PHACTR1: variants seen among roughly 807,000 people sequenced by gnomAD.
PHACTR1 encodes the protein RPEL repeat containing 1.
PHACTR1 carries 16 observed loss-of-function variants against 69.2 expected under a neutral mutation model. The observed-to-expected ratio is 0.23, with a 90% CI of 0.16 to 0.35. The LOEUF is 0.35. Among genes scored for constraint, PHACTR1 ranks in the 10% least tolerant of loss-of-function variants. PHACTR1 has a pLI of 1.00. For missense variants in PHACTR1, 510 were observed against 734.7 expected (o/e 0.69, Z 3.54); for synonymous variants, 312 against 284.5 (o/e 1.10, Z -0.97).
At chr6:12,730,986 T>TTTTG (rs1554129536) in intron 3 of PHACTR1, among the ~76,000 whole-genome samples, 1 of 137,948 alleles carries the variant, frequency 7.2e-6, no homozygotes, top group African/African-American at 2.7e-5. Flanking sequence ...ATATTACCTT[T>TTTTG]TTTATTTATT....
At chr6:13,223,242 T>A (rs16873812) in intron 8 of PHACTR1, among the ~76,000 whole-genome samples, 1,971 of 152,298 alleles carry the variant, frequency 0.013, 90 homozygotes, top group Admixed American at 0.085. Context: ...GGTGGGAGTA[T>A]AATCAAGGTT....
chr6:12,975,704 C>T (rs1229012367), intron 4 of PHACTR1, among the ~76,000 whole-genome samples: 1 of 152,214 alleles, frequency 6.6e-6, no homozygotes, highest in East Asian at 1.9e-4. Flanking sequence ...ACCCCAGCCT[C>T]CTGAGTAGCT....
At chr6:13,097,018 C>G (rs1814378962) in intron 5 of PHACTR1, among the ~76,000 whole-genome samples, 1 of 152,198 alleles carries the variant, frequency 6.6e-6, no homozygotes, top group African/African-American at 2.4e-5. Context: ...GAAGAGGACT[C>G]AAGCTCTCTG....
At position 12,718,853 on chromosome 6, in the gene PHACTR1, A is replaced by G. The variant is rs1475878268; in HGVS notation, c.103+6A>G. 1 of 1,506,598 alleles carries G rather than the reference A, an allele frequency of 6.6e-7. No homozygotes were observed. The highest frequency in any genetic ancestry group is 9.0e-7 in the Non-Finnish European group (1 of 1,112,626). 93.3% of individuals were successfully genotyped at this position (1,506,598 alleles called of 1,614,324 possible). On this transcript the variant is annotated splice_donor_region_variant and intron_variant, in intron 3 of 14. Transcript: ENST00000332995. The stretch of plus-strand genomic sequence containing the variant: ...CTACAGTCAAGGAGCTCAAGGTAAT[A>G]AAATAAGAAAAAGAAATTCCTCTTA...
intron 5 of PHACTR1, among the ~76,000 whole-genome samples, chr6:13,056,147 C>A (rs1806747872): frequency 6.6e-6 from 1 of 152,208 alleles, no homozygotes; most frequent in Admixed American, 6.5e-5. Context: ...GTAGCTCACT[C>A]TTGCAATCGC....
intron 4 of PHACTR1, among the ~76,000 whole-genome samples, chr6:12,989,151 C>T (rs1796527064): frequency 6.6e-6 from 1 of 152,168 alleles, no homozygotes; most frequent in Non-Finnish European, 1.5e-5. Context: ...AATACTAATA[C>T]AAAAGGTGAC....
At chr6:12,785,513 G>T (rs773669389) in intron 4 of PHACTR1, among the ~76,000 whole-genome samples, 1 of 152,194 alleles carries the variant, frequency 6.6e-6, no homozygotes, top group Non-Finnish European at 1.5e-5. Context: ...CCACAAACCT[G>T]CCAGGCCAGT....
At chr6:12,910,677 C>A (rs1350745121) in intron 4 of PHACTR1, among the ~76,000 whole-genome samples, 1 of 152,136 alleles carries the variant, frequency 6.6e-6, no homozygotes, top group African/African-American at 2.4e-5. Context: ...TCAGTAATAG[C>A]CGCCGTCTAC....
chr6:12,945,103 C>A (rs1790531809), intron 4 of PHACTR1, among the ~76,000 whole-genome samples: 1 of 152,056 alleles, frequency 6.6e-6, no homozygotes, highest in South Asian at 2.1e-4. Context: ...ACATGCCATG[C>A]TCTCTCTGGT....
At chr6:12,753,969 TA>T (rs60221838) in intron 4 of PHACTR1, among the ~76,000 whole-genome samples, 525 of 68,042 alleles carry the variant, frequency 7.7e-3, no homozygotes, top group Middle Eastern at 0.033. Context: ...TATATATATA[TA>T]TTTTTTTTTT....
At chr6:13,133,291 C>T (rs1028914852) in intron 5 of PHACTR1, among the ~76,000 whole-genome samples, 2 of 141,862 alleles carry the variant, frequency 1.4e-5, no homozygotes, top group South Asian at 4.9e-4. Context: ...TTCCTCTCCC[C>T]ACAGTCTCCC....
chr6:13,017,293 C>T (rs1231699275), intron 4 of PHACTR1, among the ~76,000 whole-genome samples: 1 of 151,326 alleles, frequency 6.6e-6, no homozygotes, highest in Non-Finnish European at 1.5e-5. Flanking sequence ...GCCACCTACA[C>T]TGAATGTGGA....
chr6:12,926,935 G>T (rs1438149614), intron 4 of PHACTR1, among the ~76,000 whole-genome samples: 1 of 152,190 alleles, frequency 6.6e-6, no homozygotes, highest in African/African-American at 2.4e-5. Flanking sequence ...CTGTGCCTTT[G>T]TTTAGCTCTC....
At chr6:13,134,194 C>T (rs1481174908) in intron 5 of PHACTR1, among the ~76,000 whole-genome samples, 2 of 151,150 alleles carry the variant, frequency 1.3e-5, no homozygotes, top group East Asian at 4.0e-4. Flanking sequence ...CCACCCCGTC[C>T]CGGAGGGAGG....
chr6:13,287,183 A>C lies in PHACTR1; in HGVS notation c.*105A>C, dbSNP rs1422110231. The C allele has an allele frequency of 8.8e-7, 1 of 1,139,252 alleles. No homozygotes were observed. Among genetic ancestry groups the C allele is most frequent in the African/African-American group, 1.6e-5 (1 of 61,996 alleles). 70.6% of individuals were successfully genotyped at this position (1,139,252 alleles called of 1,614,324 possible). On this transcript the variant is annotated 3_prime_UTR_variant, in exon 15 of 15. Transcript: ENST00000332995. ...TCCCCATTACGATGTAAATCTTCTG[A>C]ACTGCCTTTTTTTTAAAAAGAAGAA... is the stretch of plus-strand genomic sequence containing the variant.
chr6:12,978,496 G>A (rs149433094), intron 4 of PHACTR1, among the ~76,000 whole-genome samples: 120 of 152,198 alleles, frequency 7.9e-4, no homozygotes, highest in Non-Finnish European at 1.4e-3. Context: ...TCTGGCTGCC[G>A]TATCTCTCTT....
intron 3 of PHACTR1, among the ~76,000 whole-genome samples, chr6:12,725,879 T>TA (rs1432541424): frequency 6.6e-6 from 1 of 152,150 alleles, no homozygotes; most frequent in African/African-American, 2.4e-5. Flanking sequence ...AAAGAATTTT[T>TA]AAAAAAATTT....
chr6:13,154,982 G>A (rs561469010), intron 5 of PHACTR1, among the ~76,000 whole-genome samples: 2 of 151,870 alleles, frequency 1.3e-5, no homozygotes, highest in Admixed American at 6.6e-5. Flanking sequence ...TGTTTTACGG[G>A]TCAGTCATAA....
chr6:13,048,646 T>G (rs1326787222), intron 4 of PHACTR1, among the ~76,000 whole-genome samples: 1 of 152,020 alleles, frequency 6.6e-6, no homozygotes, highest in Non-Finnish European at 1.5e-5. Flanking sequence ...GCAGTTCTCC[T>G]GCCTCAGCCT....
Sources: allele counts gnomAD v4.1 joint callset (sites outside exome capture counted in the v4.1 genomes callset), GRCh38; gene constraint gnomAD v4.1.1; transcripts MANE v1.5; gene names NCBI Gene and HGNC (gene_info 2026-07-23, HGNC 2026-07-21).